Variants in SLC4A10 observed in about 807,000 individuals in gnomAD.
The protein encoded by SLC4A10 is solute carrier family 4 member 10, also known as sodium-driven chloride bicarbonate exchanger.
SLC4A10 carries 42 observed loss-of-function variants against 137.7 expected under a neutral mutation model. That is an observed-to-expected ratio of 0.30 (90% CI 0.24 to 0.39). SLC4A10 has a LOEUF of 0.39. Among genes scored for constraint, SLC4A10 ranks in the 10% least tolerant of loss-of-function variants. The probability of loss-of-function intolerance (pLI) is 1.00; values close to 1 mark genes in which losing one functional copy is unlikely to be tolerated. For missense variants in SLC4A10, 925 were observed against 1,355.0 expected (o/e 0.68, Z 4.98); for synonymous variants, 474 against 464.1 (o/e 1.02, Z -0.27).
intron 1 of SLC4A10, among the ~76,000 whole-genome samples, chr2:161,705,283 C>T (rs1348663230): frequency 1.3e-5 from 2 of 151,148 alleles, no homozygotes; most frequent in African/African-American, 4.9e-5. Flanking sequence ...TGACCTTGGC[C>T]CTACTAATAA....
chr2:161,764,203 C>T (rs973482900), intron 1 of SLC4A10, among the ~76,000 whole-genome samples: 2 of 151,998 alleles, frequency 1.3e-5, no homozygotes, highest in Non-Finnish European at 2.9e-5. Flanking sequence ...TCTCTACATA[C>T]TGTAAAATAA....
intron 10 of SLC4A10, among the ~76,000 whole-genome samples, chr2:161,888,671 A>G (rs2062583062): frequency 6.6e-6 from 1 of 152,178 alleles, no homozygotes; most frequent in Non-Finnish European, 1.5e-5. Flanking sequence ...GTTGCTTATC[A>G]GCTTAAGGAG....
intron 23 of SLC4A10, among the ~76,000 whole-genome samples, chr2:161,967,898 C>G (rs939219872): frequency 2.6e-5 from 4 of 151,644 alleles, no homozygotes; most frequent in African/African-American, 9.7e-5. Flanking sequence ...ATTAATTATA[C>G]TCAAGCAGTA....
intron 3 of SLC4A10, among the ~76,000 whole-genome samples, chr2:161,818,593 A>G (rs986281611): frequency 3.3e-5 from 5 of 152,168 alleles, no homozygotes; most frequent in South Asian, 2.1e-4. Flanking sequence ...TTGTCCATTC[A>G]GTATGATATT....
At chr2:161,725,108 G>A (rs915885475) in intron 1 of SLC4A10, among the ~76,000 whole-genome samples, 1 of 152,118 alleles carries the variant, frequency 6.6e-6, no homozygotes. Flanking sequence ...GGCCTAAATC[G>A]CTTTGAACAC....
At chr2:161,696,796 T>C (rs2042559897) in intron 1 of SLC4A10, among the ~76,000 whole-genome samples, 1 of 152,144 alleles carries the variant, frequency 6.6e-6, no homozygotes, top group African/African-American at 2.4e-5. Context: ...AGCAGCATGA[T>C]TTATAATCCT....
chr2:161,777,720 G>A (rs1159381890), intron 2 of SLC4A10, among the ~76,000 whole-genome samples: 1 of 151,914 alleles, frequency 6.6e-6, no homozygotes, highest in Non-Finnish European at 1.5e-5. Flanking sequence ...GCACGGGAAA[G>A]ACCCACCCCC....
At chr2:161,669,034 C>T (rs903726257) in intron 1 of SLC4A10, among the ~76,000 whole-genome samples, 1 of 151,806 alleles carries the variant, frequency 6.6e-6, no homozygotes, top group African/African-American at 2.4e-5. Context: ...TATTTTATAT[C>T]TGCCTCATGT....
chr2:161,719,474 C>T (rs938760162), intron 1 of SLC4A10, among the ~76,000 whole-genome samples: 4 of 152,166 alleles, frequency 2.6e-5, no homozygotes, highest in Admixed American at 6.5e-5. Flanking sequence ...GAGGAATCGC[C>T]GCACTGACTT....
In SLC4A10 at chr2:161,890,163, T is replaced by C. The variant is rs1180483786; in HGVS notation, c.1195-4516T>C. Among the ~76,000 whole-genome samples, 7 of 152,228 alleles carry C rather than the reference T, an allele frequency of 4.6e-5. 1 individual carries two copies. The South Asian group carries it at 8.3e-4, about 18-fold the overall frequency. ...CTGTGGTCTGAGAGACTGTTTGTTA[T>C]GATTTGTGTTCTTTTGCATTTGCTG... On this transcript the variant is annotated intron_variant, in intron 10 of 26. Transcript: ENST00000446997.
At chr2:161,767,726 C>A (rs2051071267) in intron 1 of SLC4A10, among the ~76,000 whole-genome samples, 1 of 151,966 alleles carries the variant, frequency 6.6e-6, no homozygotes, top group Non-Finnish European at 1.5e-5. Flanking sequence ...ACTAAAATAT[C>A]ATTCTTGAAA....
chr2:161,950,253 G>A (rs2105817110), intron 18 of SLC4A10, among the ~76,000 whole-genome samples: 1 of 152,210 alleles, frequency 6.6e-6, no homozygotes, highest in South Asian at 2.1e-4. Context: ...TTCTAGCACA[G>A]TGGTCAATGT....
At chr2:161,786,729 A>T (rs2053667919) in intron 2 of SLC4A10, among the ~76,000 whole-genome samples, 1 of 150,248 alleles carries the variant, frequency 6.7e-6, no homozygotes, top group Non-Finnish European at 1.5e-5. Context: ...GCTTTTTAGG[A>T]TCTTTGAGTT....
chr2:161,793,393 G>T (rs1487507738), intron 2 of SLC4A10, among the ~76,000 whole-genome samples: 1 of 151,910 alleles, frequency 6.6e-6, no homozygotes, highest in African/African-American at 2.4e-5. Context: ...ACTTATTTCT[G>T]CTGTCAAACT....
At chr2:161,687,656 A>G (rs1329368114) in intron 1 of SLC4A10, among the ~76,000 whole-genome samples, 1 of 152,138 alleles carries the variant, frequency 6.6e-6, no homozygotes, top group Non-Finnish European at 1.5e-5. Context: ...TCCCCACCCA[A>G]ATCTCACCTT....
At chr2:161,776,941 G>T (rs1328540871) in intron 2 of SLC4A10, among the ~76,000 whole-genome samples, 1 of 149,562 alleles carries the variant, frequency 6.7e-6, no homozygotes, top group Non-Finnish European at 1.5e-5. Context: ...CTGTAGTTTT[G>T]ATTTGCATTT....
chr2:161,645,503 G>A (rs2035913414), intron 1 of SLC4A10, among the ~76,000 whole-genome samples: 1 of 151,752 alleles, frequency 6.6e-6, no homozygotes, highest in Non-Finnish European at 1.5e-5. Context: ...TTTTCCCCAA[G>A]TGAATTAGTA....
intron 10 of SLC4A10, among the ~76,000 whole-genome samples, chr2:161,886,899 G>A (rs943752288): frequency 1.8e-4 from 27 of 151,848 alleles, no homozygotes; most frequent in Admixed American, 1.2e-3. Context: ...CCATCAACAC[G>A]TCATCTACAT....
intron 1 of SLC4A10, among the ~76,000 whole-genome samples, chr2:161,724,119 C>T (rs1025962519): frequency 5.9e-5 from 9 of 152,096 alleles, no homozygotes; most frequent in Admixed American, 3.3e-4. Flanking sequence ...AAAATCTGCC[C>T]GTTCTTTTCT....
Sources: gnomAD v4.1 joint callset for allele counts (sites outside exome capture counted in the v4.1 genomes callset) on GRCh38, gnomAD v4.1.1 for gene constraint, MANE v1.5 for transcripts, NCBI Gene and HGNC (gene_info 2026-07-23, HGNC 2026-07-21) for gene names.